The following SLC22A25 variants were observed in gnomAD, a reference collection of about 807,000 sequenced individuals.
SLC22A25 encodes the protein solute carrier family 22 member 25, also known as MGI:2442751, MGI:2385316, MGI:3042283, MGI:3645714, MGI:3605624, MGI:2442750.
A neutral mutation model predicts 45.9 loss-of-function variants in SLC22A25; 44 were observed. The ratio of observed to expected loss-of-function variants is 0.96; its 90% CI spans 0.75 to 1.23. The LOEUF (loss-of-function observed/expected upper bound fraction) is 1.23. Ranked by LOEUF, SLC22A25 falls within the 50% of genes most tolerant of loss-of-function variation. The pLI is 0.00. For missense variants in SLC22A25, 800 were observed against 666.4 expected (o/e 1.20, Z -2.21); for synonymous variants, 283 against 238.6 (o/e 1.19, Z -1.72).
chr11:63,229,666 G>A lies in SLC22A25; in HGVS notation c.-14C>T, dbSNP rs1426383203. The A allele has an allele frequency of 6.3e-7, 1 of 1,595,106 alleles. No individual in the cohort carries two copies. Among genetic ancestry groups the A allele is most frequent in the Non-Finnish European group, 8.6e-7 (1 of 1,165,210 alleles). On this transcript the variant is annotated 5_prime_UTR_variant, in exon 4 of 12. Coordinates refer to ENST00000306494, the MANE Select transcript of SLC22A25 (RefSeq NM_199352.6). ...CTGAAAGGCCATTGAGGCTGGACAA[G>A]TGATCCCCAAGAGGAGACAAAATGA... is the stretch of plus-strand genomic sequence containing the variant.
At chr11:63,227,953 T>C (rs2089994819) in intron 5 of SLC22A25, among the ~76,000 whole-genome samples, 1 of 152,206 alleles carries the variant, frequency 6.6e-6, no homozygotes, top group Non-Finnish European at 1.5e-5. Context: ...TGCTGTGCTC[T>C]TCCTCCCCCA....
Position 63,195,362 on chromosome 11 carries a change from C to A in SLC22A25, c.831-11545G>T, listed in dbSNP as rs534494440. Among the ~76,000 whole-genome samples the A allele has an allele frequency of 3.6e-4, 54 of 152,086 alleles. 1 individual carries two copies. Among genetic ancestry groups the A allele is most frequent in the Non-Finnish European group, 4.4e-4 (30 of 68,030 alleles). On this transcript the variant is annotated intron_variant, in intron 7 of 11. Transcript: ENST00000306494. ...TGACCACAAAGTTGGAAGTAAAGCT[C>A]TCCTCAGCAAATGTAAAAGAACAGA...
chr11:63,216,171 G>A (rs1397873365), intron 7 of SLC22A25, among the ~76,000 whole-genome samples: 2 of 152,140 alleles, frequency 1.3e-5, no homozygotes, highest in African/African-American at 4.8e-5. Flanking sequence ...ACCACAATGA[G>A]ATGCCATCTC....
At chr11:63,207,504 A>G (rs945354626) in intron 7 of SLC22A25, among the ~76,000 whole-genome samples, 3 of 152,206 alleles carry the variant, frequency 2.0e-5, no homozygotes, top group Non-Finnish European at 4.4e-5. Context: ...GCCAACAAAC[A>G]TATGAAAAAA....
intron 9 of SLC22A25, among the ~76,000 whole-genome samples, chr11:63,179,474 C>T (rs1243722685): frequency 6.6e-6 from 1 of 152,102 alleles, no homozygotes; most frequent in East Asian, 1.9e-4. Flanking sequence ...AGTATCTTCT[C>T]TGTATTTGTG....
At chr11:63,243,147 C>G in intron 1 of SLC22A25, 2 of 192,028 alleles carry the variant, frequency 1.0e-5, no homozygotes, top group South Asian at 2.1e-4. Context: ...GCAACCTACT[C>G]CAAGTTGACC....
At chr11:63,236,058 G>T (rs943722221) in intron 3 of SLC22A25, among the ~76,000 whole-genome samples, 1 of 152,148 alleles carries the variant, frequency 6.6e-6, no homozygotes, top group Non-Finnish European at 1.5e-5. Context: ...CCCCTAATGG[G>T]GGGTGCCTCC....
In SLC22A25 at chr11:63,163,753, G is replaced by C; in HGVS notation, c.*71C>G. 6.5e-7 allele frequency: 1 copy of C among 1,536,710 alleles called. No individual in the cohort carries two copies. The highest frequency in any genetic ancestry group is 2.3e-5 in the East Asian group (1 of 44,366). On this transcript the variant is annotated 3_prime_UTR_variant, in exon 12 of 12. Transcript: ENST00000306494. ...AAAGGCAAAGGCACTGACTACATGGGAATAGCCCAGATCTAAGCCTTTTTG... is the reference window on the plus strand; with the variant it reads ...AAAGGCAAAGGCACTGACTACATGGCAATAGCCCAGATCTAAGCCTTTTTG...
intron 10 of SLC22A25, among the ~76,000 whole-genome samples, chr11:63,164,989 T>C (rs971275051): frequency 1.3e-5 from 2 of 152,100 alleles, no homozygotes; most frequent in Admixed American, 6.6e-5. Context: ...AGGAGTGTCA[T>C]GTGGGCAATA....
At chr11:63,172,075 G>T (rs1590785104) in intron 9 of SLC22A25, among the ~76,000 whole-genome samples, 1 of 152,164 alleles carries the variant, frequency 6.6e-6, no homozygotes, top group Non-Finnish European at 1.5e-5. Context: ...ATGGTGCTGG[G>T]AAAACTGGCT....
At chr11:63,213,701 T>G (rs1459223570) in intron 7 of SLC22A25, among the ~76,000 whole-genome samples, 1 of 152,056 alleles carries the variant, frequency 6.6e-6, no homozygotes, top group Non-Finnish European at 1.5e-5. Flanking sequence ...AGAAACCCGA[T>G]TGGAAGGGCA....
chr11:63,198,125 G>A (rs1010128935), intron 7 of SLC22A25, among the ~76,000 whole-genome samples: 9 of 152,206 alleles, frequency 5.9e-5, no homozygotes, highest in Non-Finnish European at 1.3e-4. Context: ...CACTGTTGGT[G>A]AGACTGTAAA....
At chr11:63,214,143 G>T (rs1035576994) in intron 7 of SLC22A25, among the ~76,000 whole-genome samples, 1 of 152,116 alleles carries the variant, frequency 6.6e-6, no homozygotes, top group Admixed American at 6.6e-5. Context: ...AGCTTTTGGA[G>T]GATTCAAAAC....
In SLC22A25 at chr11:63,217,572, T is replaced by C. The variant is rs1184663097; in HGVS notation, c.661+9A>G. The C allele has an allele frequency of 1.9e-6, 3 of 1,611,098 alleles. No homozygotes were observed. The highest frequency in any genetic ancestry group is 2.7e-5 in the African/African-American group (2 of 74,812). On this transcript the variant is annotated intron_variant, in intron 6 of 11. Transcript: ENST00000306494. ...GCTTGGAAAATGTGGATCGAAAATA[T>C]TGACTTACTTAACAAAACAGTATTT... is the stretch of plus-strand genomic sequence containing the variant.
intron 3 of SLC22A25, among the ~76,000 whole-genome samples, chr11:63,234,637 A>G (rs1179232146): frequency 1.3e-5 from 2 of 152,154 alleles, no homozygotes; most frequent in African/African-American, 2.4e-5. Context: ...GCCCATTTAC[A>G]TTTAAGGTTA....
chr11:63,228,520 T>C lies in SLC22A25; in HGVS notation c.447A>G (p.Lys149=), dbSNP rs1204478733. Residue 149 remains lysine, a synonymous_variant, in exon 5 of 12, where the codon AAA becomes AAG. Transcript: ENST00000306494. ...CESQPLNSVA[K]FLFMAGMMVG... ...CCATCATTCCAGCCATGAATAGAAA[T>C]TTAGCTACTGAATTCAGTGGTTGAG... is the stretch of plus-strand genomic sequence containing the variant. The C allele has an allele frequency of 6.2e-7, 1 of 1,613,806 alleles. No individual in the cohort carries two copies. The highest frequency in any genetic ancestry group is 1.7e-5 in the Admixed American group (1 of 59,976).
intron 3 of SLC22A25, among the ~76,000 whole-genome samples, chr11:63,232,564 T>A (rs1330036797): frequency 1.3e-5 from 2 of 152,178 alleles, no homozygotes; most frequent in Admixed American, 1.3e-4. Flanking sequence ...AGATATACAA[T>A]CATGTCATCT....
At chr11:63,218,554 A>G (rs575114928) in intron 5 of SLC22A25, among the ~76,000 whole-genome samples, 4 of 152,348 alleles carry the variant, frequency 2.6e-5, no homozygotes, top group African/African-American at 9.6e-5. Context: ...CATACAGTGC[A>G]CCATGAACAC....
chr11:63,182,282 T>C (rs973209363), intron 8 of SLC22A25, among the ~76,000 whole-genome samples: 2 of 152,092 alleles, frequency 1.3e-5, no homozygotes, highest in Non-Finnish European at 2.9e-5. Flanking sequence ...AATGCATTGC[T>C]ATTTTTTGGA....
Sources: gnomAD v4.1 joint callset for allele counts (sites outside exome capture counted in the v4.1 genomes callset) on GRCh38, gnomAD v4.1.1 for gene constraint, MANE v1.5 for transcripts, NCBI Gene and HGNC (gene_info 2026-07-23, HGNC 2026-07-21) for gene names.